PNKP: variants seen among roughly 807,000 people sequenced by gnomAD.
PNKP encodes polynucleotide kinase 3'-phosphatase.
PNKP carries 82 observed loss-of-function variants against 66.2 expected under a neutral mutation model. The ratio of observed to expected loss-of-function variants is 1.24; its 90% CI spans 1.04 to 1.49. PNKP has a LOEUF of 1.49. Among genes scored for constraint, PNKP ranks in the 40% most tolerant of loss-of-function variants. PNKP has a pLI of 0.00. For synonymous variants in PNKP, 412 were observed against 298.9 expected (o/e 1.38, Z -3.90); for missense variants, 907 against 706.8 (o/e 1.28, Z -3.21).
chr19:49,863,080 C>T (rs957957046), intron 8 of PNKP, among the ~76,000 whole-genome samples: 11 of 152,326 alleles, frequency 7.2e-5, no homozygotes, highest in African/African-American at 2.6e-4. Flanking sequence ...TCCCTGTGGC[C>T]CTGCCCTCTC....
chr19:49,862,255 G>C lies in PNKP; in HGVS notation c.1056C>G (p.Leu352=), dbSNP rs767011520. 5 of 1,606,470 alleles carry C rather than the reference G, an allele frequency of 3.1e-6. No individual in the cohort carries two copies. In the Admixed American group the frequency reaches 6.8e-5, roughly 22 times the overall value. The change falls in exon 12 of 17, where the codon CTC becomes CTG. Residue 352 remains leucine, a synonymous_variant. Transcript: ENST00000322344. The part of the protein sequence containing the change: ...DPRTVSRSGP[L]CLPESRALLS... ...GGAGGGCCCTGGACTCGGGGAGGCA[G>C]AGAGGCCCTGAGCGGGAGACAGTCC...
Position 49,867,378 on chromosome 19 carries a change from G to GC in PNKP, c.-14+90dup, listed in dbSNP as rs149514731. 195 of 709,068 alleles carry GC rather than the reference G, an allele frequency of 2.8e-4. 2 individuals are homozygous for GC. In the East Asian group the frequency reaches 5.2e-3, roughly 19 times the overall value. The allele number at this position is 709,068 out of a possible 1,614,324, so 43.9% of individuals were successfully genotyped here. On this transcript the variant is annotated intron_variant, in intron 1 of 16. Coordinates refer to ENST00000322344, the MANE Select transcript of PNKP (RefSeq NM_007254.4). ...GTCGACCCGTTTCCCAGGCGACGAC[G>GC]CGTGCTCCATCCCTCCCCGAGTTGC... is the stretch of plus-strand genomic sequence containing the variant.
intron 4 of PNKP, 31 bp downstream of exon 4, chr19:49,865,096 C>A (rs757682631): frequency 6.3e-7 from 1 of 1,598,340 alleles, no homozygotes; most frequent in Non-Finnish European, 8.6e-7. Flanking sequence ...CAGTCTGTGG[C>A]GGCTCCCTCA....
chr19:49,861,801 G>GTTGTCGATGGCGACCCGT lies in PNKP; in HGVS notation c.1251_1268dup (p.Lys417_Asp422dup). Reference sequence around the variant, plus strand: ...CGCGGCTCGCGGCGTCTGGGTTTGTGTTGTCGATGGCGACCCGTTTCCCTT... The same window carrying GTTGTCGATGGCGACCCGT: ...CGCGGCTCGCGGCGTCTGGGTTTGTGTTGTCGATGGCGACCCGTTTGTCGATGGCGACCCGTTTCCCTT... On this transcript the variant is annotated inframe_insertion, in exon 14 of 17. Coordinates refer to ENST00000322344, the MANE Select transcript of PNKP (RefSeq NM_007254.4). 6.3e-7 allele frequency: 1 copy of GTTGTCGATGGCGACCCGT among 1,575,602 alleles called. No homozygotes were observed. The highest frequency in any genetic ancestry group is 8.6e-7 in the Non-Finnish European group (1 of 1,164,636).
In PNKP at chr19:49,862,562, T is replaced by C; in HGVS notation, c.912A>G (p.Lys304=). ...CCAGGCGATCGGCGCAGGAGAAGTC[T>C]TTCTTCTTCCGCCCCGGGGCCCAGT... The part of the protein sequence containing the change: ...PANWAPGRKK[K]DFSCADRLFA... The change falls in exon 10 of 17, where the codon AAA becomes AAG. Residue 304 remains lysine (K), a synonymous_variant. Coordinates refer to ENST00000322344, the MANE Select transcript of PNKP (RefSeq NM_007254.4). 6.2e-7 allele frequency: 1 copy of C among 1,612,570 alleles called. No individual in the cohort carries two copies. The highest frequency in any genetic ancestry group is 1.3e-5 in the African/African-American group (1 of 75,002).
intron 3 of PNKP, 178 bp from the exon 4 acceptor site, chr19:49,865,604 T>C (rs1212625725): frequency 5.7e-6 from 2 of 353,614 alleles, no homozygotes; most frequent in East Asian, 4.8e-5. Context: ...TCCGAATCTT[T>C]TTTTTTTTTT....
At position 49,865,112 on chromosome 19, in the gene PNKP, C is replaced by A; in HGVS notation, c.498+15G>T. 6.2e-7 allele frequency: 1 copy of A among 1,611,060 alleles called. No individual in the cohort carries two copies. ...AGTCTGTGGCGGCTCCCTCAGCCCTCGGCGTGGCCCTCACCTTGCCCTGGG... is the reference window on the plus strand; with the variant it reads ...AGTCTGTGGCGGCTCCCTCAGCCCTAGGCGTGGCCCTCACCTTGCCCTGGG... On this transcript the variant is annotated intron_variant, in intron 4 of 16. Coordinates refer to ENST00000322344, the MANE Select transcript of PNKP (RefSeq NM_007254.4).
intron 2 of PNKP, 21 bp from the exon 3 acceptor site, chr19:49,866,466 G>A (rs748896138): frequency 5.0e-6 from 8 of 1,613,472 alleles, no homozygotes; most frequent in Non-Finnish European, 6.8e-6. Flanking sequence ...GAGGGGTGGA[G>A]TCAGGATTTG....
In PNKP at chr19:49,861,806, C is replaced by G. The variant is rs1402529044; in HGVS notation, c.1264G>C (p.Asp422His). 2 of 1,578,400 alleles carry G rather than the reference C, an allele frequency of 1.3e-6. No homozygotes were observed. Among genetic ancestry groups the G allele is most frequent in the Non-Finnish European group, 1.7e-6 (2 of 1,165,988 alleles). Residue 422 changes from aspartate (D) to histidine (H), a missense_variant, in exon 14 of 17, where the codon GAC becomes CAC. Transcript: ENST00000322344. ...CTCGCGGCGTCTGGGTTTGTGTTGT[C>G]GATGGCGACCCGTTTCCCTTGCTTC... ...ALKQGKRVAI[D>H]NTNPDAASRA...
In PNKP at chr19:49,862,077, G is replaced by A. The variant is rs758168476; in HGVS notation, c.1155C>T (p.His385=). 6.2e-7 allele frequency: 1 copy of A among 1,614,182 alleles called. No homozygotes were observed. Among genetic ancestry groups the A allele is most frequent in the Non-Finnish European group, 8.5e-7 (1 of 1,180,018 alleles). The change falls in exon 13 of 17, where the codon CAC becomes CAT. Residue 385 remains histidine (H), a synonymous_variant. Coordinates refer to ENST00000322344, the MANE Select transcript of PNKP (RefSeq NM_007254.4). ...GAGKSTFLKK[H]LVSAGYVHVN... ...CGTGGACATATCCGGCCGACACGAGGTGCTTCTTGAGAAAGGTGGACTTCC... is the reference window on the plus strand; with the variant it reads ...CGTGGACATATCCGGCCGACACGAGATGCTTCTTGAGAAAGGTGGACTTCC...
intron 8 of PNKP, 165 bp from the exon 9 acceptor site, chr19:49,862,903 CCCCCCTCCGTGGTCTCTCCACACAG>C: frequency 1.3e-6 from 1 of 758,374 alleles, no homozygotes; most frequent in African/African-American, 1.7e-5. Flanking sequence ...CTGGCCCCCT[CCCCCCTCCGTGGTCTCTCCACACAG>C]CCCCCTCCCT....
At chr19:49,862,505 G>A (rs1441163602) in intron 10 of PNKP, 33 bp downstream of exon 10, 1 of 1,600,332 alleles carries the variant, frequency 6.2e-7, no homozygotes. Flanking sequence ...CCAGGGTCGG[G>A]CTCGGGCGCG....
In PNKP at chr19:49,864,238, T is replaced by G; in HGVS notation, c.579-2A>C. Reference sequence around the variant, plus strand: ...CGGGGAATCTCTGGGTACAAGATCCTACGGCAGGTATGAAGCGGCAGGGGT... The same window carrying G: ...CGGGGAATCTCTGGGTACAAGATCCGACGGCAGGTATGAAGCGGCAGGGGT... On this transcript the variant is annotated splice_acceptor_variant, in intron 5 of 16. Coordinates refer to ENST00000322344, the MANE Select transcript of PNKP (RefSeq NM_007254.4). LOFTEE classifies it high-confidence loss of function. The G allele has an allele frequency of 6.2e-7, 1 of 1,614,154 alleles. No homozygotes were observed.
At chr19:49,862,949 C>T (rs577158650) in intron 8 of PNKP, 37 of 659,782 alleles carry the variant, frequency 5.6e-5, no homozygotes, top group South Asian at 5.4e-4. Context: ...CCAGGTCTCC[C>T]GACTTCACCT....
chr19:49,865,757 G>GCTTGAGC (rs1442326920), intron 3 of PNKP, among the ~76,000 whole-genome samples: 29 of 151,770 alleles, frequency 1.9e-4, no homozygotes, highest in African/African-American at 6.8e-4. Flanking sequence ...GGGATTACAG[G>GCTTGAGC]CACCCGCCAC....
rs907728722 is a variant in PNKP, at chr19:49,862,500, G to A, written c.937-37C>T. On this transcript the variant is annotated intron_variant, in intron 10 of 16. Coordinates refer to ENST00000322344, the MANE Select transcript of PNKP (RefSeq NM_007254.4). Reference sequence around the variant, plus strand: ...GGACGAACATCAGACACAGGCCAGGGTCGGGCTCGGGCGCGGGGCAGGGGG... The same window carrying A: ...GGACGAACATCAGACACAGGCCAGGATCGGGCTCGGGCGCGGGGCAGGGGG... The A allele has an allele frequency of 3.1e-6, 5 of 1,598,998 alleles. No individual in the cohort carries two copies. In the East Asian group the frequency reaches 9.1e-5, roughly 29 times the overall value.
chr19:49,867,262 T>C (rs1288110586), intron 1 of PNKP, 45 bp from the exon 2 acceptor site: 1 of 1,543,996 alleles, frequency 6.5e-7, no homozygotes. Context: ...AGCCCCAATT[T>C]GCTGCAGGAA....
intron 13 of PNKP, 53 bp downstream of exon 13, chr19:49,861,991 G>A (rs908966809): frequency 5.0e-6 from 8 of 1,602,374 alleles, no homozygotes; most frequent in African/African-American, 2.7e-5. Flanking sequence ...CCAGTTGAGA[G>A]GTGGAGATGG....
chr19:49,863,192 G>T (rs1288009238), intron 8 of PNKP, among the ~76,000 whole-genome samples: 1 of 152,126 alleles, frequency 6.6e-6, no homozygotes, highest in African/African-American at 2.4e-5. Context: ...CTCCCACAAG[G>T]GGGGGGACCG....
Sources: gnomAD v4.1 joint callset for allele counts (sites outside exome capture counted in the v4.1 genomes callset) on GRCh38, gnomAD v4.1.1 for gene constraint, MANE v1.5 for transcripts, NCBI Gene and HGNC (gene_info 2026-07-23, HGNC 2026-07-21) for gene names.